CADM2: variants seen among roughly 807,000 people sequenced by gnomAD.
CADM2 encodes cell adhesion molecule 2, also known as immunoglobulin superfamily member 4D.
Under a neutral mutation model 49.8 loss-of-function variants are expected in CADM2, and 12 were observed. The ratio of observed to expected loss-of-function variants is 0.24; its 90% CI spans 0.15 to 0.39. CADM2 has a LOEUF of 0.39. Ranked by LOEUF, CADM2 falls within the 10% of genes least tolerant of loss-of-function variation. CADM2 has a pLI of 1.00. For missense variants in CADM2, 378 were observed against 492.3 expected (o/e 0.77, Z 2.20); for synonymous variants, 214 against 175.4 (o/e 1.22, Z -1.74).
At chr3:85,462,596 C>T (rs189896152) in intron 1 of CADM2, among the ~76,000 whole-genome samples, 2 of 152,266 alleles carry the variant, frequency 1.3e-5, no homozygotes, top group Admixed American at 6.5e-5. Context: ...ATCATTCCAA[C>T]ACTTGGACTC....
chr3:85,441,936 C>A (rs1358570458), intron 1 of CADM2, among the ~76,000 whole-genome samples: 2 of 151,934 alleles, frequency 1.3e-5, no homozygotes, highest in East Asian at 3.9e-4. Context: ...AGCAGAAGAA[C>A]AATAAATTAG....
At chr3:85,995,034 A>AAAAAAAAAAAAG (rs1729210376) in intron 8 of CADM2, among the ~76,000 whole-genome samples, 1 of 150,356 alleles carries the variant, frequency 6.7e-6, no homozygotes. Flanking sequence ...AAAAAAAAAA[A>AAAAAAAAAAAAG]TCATTATCTG....
rs893243796 is a variant in CADM2, at chr3:85,816,227, C to CT, written c.238+14038dup. 1.0e-4 allele frequency among the ~76,000 whole-genome samples: 15 copies of CT among 148,228 alleles called. No individual in the cohort carries two copies. The South Asian group carries it at 2.8e-3, about 27-fold the overall frequency. ...TGGAAATGGAGCTTTTTTTTTTTTC[C>CT]TTTTTTTAGTTTGAGGCAGGTGTAA... On this transcript the variant is annotated intron_variant, in intron 3 of 9. Transcript: ENST00000383699.
At chr3:85,683,482 T>C (rs1027083150) in intron 1 of CADM2, among the ~76,000 whole-genome samples, 1 of 152,208 alleles carries the variant, frequency 6.6e-6, no homozygotes, top group Non-Finnish European at 1.5e-5. Flanking sequence ...AAAATATTGA[T>C]CCTGCTCTAC....
At chr3:85,587,689 T>A (rs2062983709) in intron 1 of CADM2, among the ~76,000 whole-genome samples, 1 of 152,024 alleles carries the variant, frequency 6.6e-6, no homozygotes, top group African/African-American at 2.4e-5. Flanking sequence ...AAGTGCCTCT[T>A]CCATAATGGC....
chr3:85,596,619 C>A (rs1205349645), intron 1 of CADM2, among the ~76,000 whole-genome samples: 1 of 152,074 alleles, frequency 6.6e-6, no homozygotes, highest in African/African-American at 2.4e-5. Flanking sequence ...TCTACCCTCA[C>A]AACAAAATTT....
chr3:85,950,994 A>G (rs560684146), intron 7 of CADM2, among the ~76,000 whole-genome samples: 71 of 151,194 alleles, frequency 4.7e-4, no homozygotes, highest in African/African-American at 1.6e-3. Flanking sequence ...GTCAGACAGA[A>G]GTACTGATAG....
In CADM2 at chr3:85,802,141, C is replaced by T. The variant is rs745768336; in HGVS notation, c.183C>T (p.Thr61=). ...LTCRVDQNDN[T]SLQWSNPAQQ... ...GCAGGGTTGATCAAAATGATAACAC[C>T]TCCCTCCAGTGGTCAAATCCAGCTC... Residue 61 remains threonine (T), a synonymous_variant, in exon 3 of 10, where the codon ACC becomes ACT. Transcript: ENST00000383699. 35 of 1,613,166 alleles carry T rather than the reference C, an allele frequency of 2.2e-5. No individual in the cohort carries two copies. The highest frequency in any genetic ancestry group is 2.8e-5 in the Non-Finnish European group (33 of 1,179,494).
At chr3:85,588,064 G>A (rs1162960403) in intron 1 of CADM2, among the ~76,000 whole-genome samples, 1 of 151,952 alleles carries the variant, frequency 6.6e-6, no homozygotes, top group Non-Finnish European at 1.5e-5. Context: ...ATCGTGCATG[G>A]CTGGCAAAAT....
chr3:85,461,864 T>A (rs1246284420), intron 1 of CADM2, among the ~76,000 whole-genome samples: 1 of 152,130 alleles, frequency 6.6e-6, no homozygotes, highest in African/African-American at 2.4e-5. Context: ...TAGATTCAGA[T>A]AAATATAATA....
At chr3:84,960,795 T>G (rs2107032668) in intron 1 of CADM2, among the ~76,000 whole-genome samples, 1 of 152,220 alleles carries the variant, frequency 6.6e-6, no homozygotes, top group African/African-American at 2.4e-5. Flanking sequence ...CGATGCTGAT[T>G]ATGAAATAAA....
At chr3:85,268,381 T>C (rs1055108186) in intron 1 of CADM2, among the ~76,000 whole-genome samples, 1 of 151,460 alleles carries the variant, frequency 6.6e-6, no homozygotes, top group Non-Finnish European at 1.5e-5. Flanking sequence ...TTATTAATAT[T>C]TTTAAACTAA....
At chr3:85,777,244 A>AATTATTATTATTATTATT (rs71112117) in intron 2 of CADM2, among the ~76,000 whole-genome samples, 5,594 of 148,692 alleles carry the variant, frequency 0.038, 143 homozygotes, top group Non-Finnish European at 0.055. Context: ...GTTTTTAAAA[A>AATTATTATTATTATTATT]ATTATTATTA....
intron 1 of CADM2, among the ~76,000 whole-genome samples, chr3:85,546,926 G>GT (rs574253584): frequency 1.3e-5 from 2 of 151,896 alleles, no homozygotes; most frequent in African/African-American, 4.8e-5. Context: ...CAATCACAGT[G>GT]TTTTATATTT....
intron 1 of CADM2, among the ~76,000 whole-genome samples, chr3:85,290,113 G>T (rs1337410945): frequency 6.6e-6 from 1 of 152,142 alleles, no homozygotes. Flanking sequence ...GCAGGGTGAG[G>T]CATTGCTTCA....
At chr3:85,902,629 T>C (rs1380106146) in intron 5 of CADM2, among the ~76,000 whole-genome samples, 1 of 151,578 alleles carries the variant, frequency 6.6e-6, no homozygotes, top group African/African-American at 2.4e-5. Flanking sequence ...TTTTGTTTTA[T>C]GTTCATTCTT....
chr3:85,019,997 A>G lies in CADM2; in HGVS notation c.61+60329A>G, dbSNP rs185441700. 2.6e-3 allele frequency among the ~76,000 whole-genome samples: 394 copies of G among 152,282 alleles called. 4 individuals are homozygous for G. Among genetic ancestry groups the G allele is most frequent in the African/African-American group, 9.2e-3 (384 of 41,536 alleles). On this transcript the variant is annotated intron_variant, in intron 1 of 9. Transcript: ENST00000383699. ...CCACCCTCCACAAATACAAAGATATATGTTTTATCTTCATATGATATGAAT... is the reference window on the plus strand; with the variant it reads ...CCACCCTCCACAAATACAAAGATATGTGTTTTATCTTCATATGATATGAAT...
intron 1 of CADM2, among the ~76,000 whole-genome samples, chr3:85,176,293 T>C (rs754043951): frequency 6.6e-6 from 1 of 152,198 alleles, no homozygotes; most frequent in Non-Finnish European, 1.5e-5. Flanking sequence ...TCATAAATAT[T>C]ATCTATAGAT....
At chr3:85,011,669 G>A (rs1213793492) in intron 1 of CADM2, among the ~76,000 whole-genome samples, 1 of 152,004 alleles carries the variant, frequency 6.6e-6, no homozygotes, top group African/African-American at 2.4e-5. Context: ...GGCCAACACA[G>A]GAGGATCGCT....
Sources: allele counts gnomAD v4.1 joint callset (sites outside exome capture counted in the v4.1 genomes callset), GRCh38; gene constraint gnomAD v4.1.1; transcripts MANE v1.5; gene names NCBI Gene and HGNC (gene_info 2026-07-23, HGNC 2026-07-21).